Variants in CSMD1 observed in about 807,000 individuals in gnomAD.
CSMD1 encodes the protein CUB and Sushi multiple domains 1.
A neutral mutation model predicts 417.5 loss-of-function variants in CSMD1; 213 were observed. The ratio of observed to expected loss-of-function variants is 0.51; its 90% CI spans 0.46 to 0.57. The LOEUF (loss-of-function observed/expected upper bound fraction) is 0.57, where lower values mean the gene tolerates loss of function less well. CSMD1 is among the 20% of genes least tolerant of loss of function. CSMD1 has a pLI of 0.00. For missense variants in CSMD1, 6,923 were observed against 4,529.7 expected (o/e 1.53, Z -15.17); for synonymous variants, 2,862 against 1,736.8 (o/e 1.65, Z -16.11).
At chr8:3,632,505 T>C (rs1796835629) in intron 7 of CSMD1, among the ~76,000 whole-genome samples, 1 of 152,200 alleles carries the variant, frequency 6.6e-6, no homozygotes, top group Non-Finnish European at 1.5e-5. Flanking sequence ...CCTTAGATTG[T>C]GATGGGCGTT....
rs1330460774 is a variant in CSMD1 at position 4,058,995 on chromosome 8, T to C, written c.416-26896A>G. ...CCAAATCAACACAACACAAATTCTT[T>C]TCAGAACCACACCACACCTATTCCA... On this transcript the variant is annotated intron_variant, in intron 3 of 69. Coordinates refer to ENST00000635120, the MANE Select transcript of CSMD1 (RefSeq NM_033225.6). Among the ~76,000 whole-genome samples the C allele has an allele frequency of 1.2e-4, 18 of 151,964 alleles. 1 individual carries two copies. Among genetic ancestry groups the C allele is most frequent in the Admixed American group, 1.2e-3 (18 of 15,238 alleles).
chr8:3,909,472 G>A (rs562424654), intron 5 of CSMD1, among the ~76,000 whole-genome samples: 2 of 152,276 alleles, frequency 1.3e-5, no homozygotes, highest in South Asian at 2.1e-4. Flanking sequence ...TGAGACAGCA[G>A]TGCGGAAATA....
chr8:3,387,944 C>T (rs1811113217), intron 17 of CSMD1, among the ~76,000 whole-genome samples: 2 of 152,178 alleles, frequency 1.3e-5, no homozygotes, highest in African/African-American at 2.4e-5. Flanking sequence ...ATTAACTTCT[C>T]TGAATTTTAC....
At chr8:4,873,746 A>T (rs1802872886) in intron 1 of CSMD1, among the ~76,000 whole-genome samples, 1 of 152,142 alleles carries the variant, frequency 6.6e-6, no homozygotes. Context: ...AGCCTTGAAA[A>T]ATATGTAGCA....
intron 1 of CSMD1, among the ~76,000 whole-genome samples, chr8:4,745,827 A>G (rs1043518905): frequency 6.6e-6 from 1 of 152,112 alleles, no homozygotes; most frequent in African/African-American, 2.4e-5. Context: ...TGAGGGGTGA[A>G]GAAGATGCAA....
intron 19 of CSMD1, among the ~76,000 whole-genome samples, chr8:3,368,551 C>G (rs1585062772): frequency 6.6e-6 from 1 of 152,186 alleles, no homozygotes; most frequent in Non-Finnish European, 1.5e-5. Context: ...ATTGGCTAGT[C>G]TGGTCTGGAA....
intron 2 of CSMD1, among the ~76,000 whole-genome samples, chr8:4,527,696 T>C (rs1324043848): frequency 6.6e-6 from 1 of 152,192 alleles, no homozygotes; most frequent in Non-Finnish European, 1.5e-5. Context: ...TACAGTACAT[T>C]TCTTTCTATT....
chr8:3,938,186 T>A (rs968120026), intron 5 of CSMD1, among the ~76,000 whole-genome samples: 4 of 152,140 alleles, frequency 2.6e-5, no homozygotes, highest in Admixed American at 6.6e-5. Flanking sequence ...GGCATTGACA[T>A]TGCCTGTCAT....
chr8:3,721,071 C>T (rs1239448904), intron 6 of CSMD1, among the ~76,000 whole-genome samples: 1 of 152,128 alleles, frequency 6.6e-6, no homozygotes, highest in Non-Finnish European at 1.5e-5. Flanking sequence ...GATCTGCCCG[C>T]CTCGGCCTCC....
intron 3 of CSMD1, among the ~76,000 whole-genome samples, chr8:4,415,224 A>G (rs56279835): frequency 0.053 from 8,122 of 151,978 alleles, 728 homozygotes; most frequent in African/African-American, 0.19. Context: ...TCCGCTCCCC[A>G]CTGAACTCAG....
At chr8:4,432,944 A>C (rs997125131) in intron 2 of CSMD1, among the ~76,000 whole-genome samples, 1 of 152,192 alleles carries the variant, frequency 6.6e-6, no homozygotes, top group African/African-American at 2.4e-5. Context: ...GCTGCTCCCC[A>C]TGGCTCACGT....
At chr8:4,546,620 G>A (rs981815173) in intron 2 of CSMD1, among the ~76,000 whole-genome samples, 2 of 152,230 alleles carry the variant, frequency 1.3e-5, no homozygotes, top group East Asian at 3.9e-4. Context: ...AACTCTTCTT[G>A]CTCTCAGGAC....
chr8:3,000,955 G>A (rs1490790991), intron 52 of CSMD1, among the ~76,000 whole-genome samples: 1 of 151,836 alleles, frequency 6.6e-6, no homozygotes, highest in Non-Finnish European at 1.5e-5. Flanking sequence ...CAGACCCTCT[G>A]ACATTATTCC....
At chr8:3,645,722 G>T (rs911222555) in intron 7 of CSMD1, among the ~76,000 whole-genome samples, 3 of 152,182 alleles carry the variant, frequency 2.0e-5, no homozygotes, top group African/African-American at 7.2e-5. Context: ...CAAGGAACAT[G>T]GAAGCTGCTG....
At chr8:3,484,136 G>C (rs1329584323) in intron 11 of CSMD1, among the ~76,000 whole-genome samples, 1 of 152,084 alleles carries the variant, frequency 6.6e-6, no homozygotes, top group Non-Finnish European at 1.5e-5. Context: ...TAAGTCTCTT[G>C]ACAAAGAACA....
At chr8:4,690,580 T>C (rs909485406) in intron 1 of CSMD1, among the ~76,000 whole-genome samples, 2 of 152,156 alleles carry the variant, frequency 1.3e-5, no homozygotes, top group South Asian at 2.1e-4. Context: ...TTCTAAAATA[T>C]TATATTTTAG....
chr8:4,480,719 T>C (rs1801053336), intron 2 of CSMD1, among the ~76,000 whole-genome samples: 1 of 152,230 alleles, frequency 6.6e-6, no homozygotes, highest in Admixed American at 6.5e-5. Context: ...AACCACCTGG[T>C]ATAGAATCCA....
At chr8:3,751,720 C>T (rs1224765931) in intron 6 of CSMD1, among the ~76,000 whole-genome samples, 2 of 151,750 alleles carry the variant, frequency 1.3e-5, no homozygotes, top group African/African-American at 4.8e-5. Flanking sequence ...TTATATCTAC[C>T]ATCTTGGAGC....
chr8:3,468,262 C>A (rs1816893044), intron 12 of CSMD1, among the ~76,000 whole-genome samples: 1 of 152,152 alleles, frequency 6.6e-6, no homozygotes, highest in Admixed American at 6.6e-5. Context: ...TGTAAACTAG[C>A]TCAAAAACAA....
Sources: allele counts gnomAD v4.1 joint callset (sites outside exome capture counted in the v4.1 genomes callset), GRCh38; gene constraint gnomAD v4.1.1; transcripts MANE v1.5; gene names NCBI Gene and HGNC (gene_info 2026-07-23, HGNC 2026-07-21).